Variants in MX1 observed in about 807,000 individuals in gnomAD.
MX1 encodes the protein interferon-induced GTP-binding protein Mx1.
MX1 carries 66 observed loss-of-function variants against 66.4 expected under a neutral mutation model. The observed-to-expected ratio is 0.99, with a 90% CI of 0.82 to 1.22. The LOEUF (loss-of-function observed/expected upper bound fraction) is 1.22, where lower values mean the gene tolerates loss of function less well. Ranked by LOEUF, MX1 falls within the 50% of genes most tolerant of loss-of-function variation. The probability of loss-of-function intolerance (pLI) is 0.00; values close to 1 mark genes in which losing one functional copy is unlikely to be tolerated. For missense variants in MX1, 787 were observed against 834.3 expected, an observed-to-expected ratio of 0.94 and a Z score of 0.70; for synonymous variants, 311 against 318.1, an observed-to-expected ratio of 0.98 and a Z score of 0.24.
chr21:41,447,021 C>T (rs2090681764), intron 13 of MX1, among the ~76,000 whole-genome samples: 2 of 152,122 alleles, frequency 1.3e-5, no homozygotes, highest in Admixed American at 6.5e-5. Context: ...AACCAACTGG[C>T]TTGTGTCTGT....
rs555055463 is a variant in MX1, at chr21:41,440,314, C to T, written c.591+466C>T. ...AAGAGTTTGACAGAAACCTGAGCAA[C>T]ATAGTGAGACCCCCTTCTCTATAAA... On this transcript the variant is annotated intron_variant, in intron 8 of 16. Transcript: ENST00000398598. Among the ~76,000 whole-genome samples the T allele has an allele frequency of 1.8e-4, 27 of 152,194 alleles. 1 individual carries two copies. The South Asian group carries it at 5.2e-3, about 29-fold the overall frequency.
intron 1 of MX1, chr21:41,426,780 T>C (rs1039483654): frequency 2.6e-5 from 4 of 152,276 alleles, no homozygotes; most frequent in African/African-American, 9.7e-5. Context: ...CCGATCCTGC[T>C]GAATAAAGGG....
upstream of MX1, chr21:41,422,779 C>G (rs899758602): frequency 6.6e-6 from 1 of 152,152 alleles, no homozygotes; most frequent in Non-Finnish European, 1.5e-5. Flanking sequence ...TGCTGAAGAG[C>G]GCAGGTTTGG....
intron 11 of MX1, 71 bp from the exon 12 acceptor site, chr21:41,445,377 G>C: frequency 6.4e-7 from 1 of 1,574,496 alleles, no homozygotes; most frequent in South Asian, 1.1e-5. Context: ...TGCAGAGGGA[G>C]GCCCGGGACC....
Position 41,426,283 on chromosome 21 carries a change from G to T in MX1, c.-309+20G>T, listed in dbSNP as rs560540950. ...GGACCGGTGAGTGTCGCTTCTGGGG[G>T]CAGCGCCCAGTAACCGCGCTAGGAG... On this transcript the variant is annotated intron_variant, in intron 1 of 16. Transcript: ENST00000398598. 6.5e-6 allele frequency: 1 copy of T among 152,972 alleles called. No individual in the cohort carries two copies. Among genetic ancestry groups the T allele is most frequent in the East Asian group, 1.9e-4 (1 of 5,228 alleles). The allele number at this position is 152,972 out of a possible 1,614,324, so 9.5% of individuals were successfully genotyped here. A position where few individuals can be genotyped will look rare whatever the true frequency, so the allele number is the denominator to read the frequency against.
chr21:41,451,381 GCTT>G, intron 15 of MX1, 138 bp downstream of exon 15: 1 of 683,202 alleles, frequency 1.5e-6, no homozygotes, highest in South Asian at 1.7e-5. Flanking sequence ...ACTCACTAGT[GCTT>G]CTTCTGATGT....
Position 41,441,811 on chromosome 21 carries a change from A to G in MX1, c.826A>G (p.Met276Val), listed in dbSNP as rs528719662. 1.2e-5 allele frequency: 20 copies of G among 1,614,204 alleles called. No homozygotes were observed. The highest frequency in any genetic ancestry group is 1.1e-4 in the East Asian group (5 of 44,878). ...CGTGTTCCACCTGAAGAAGGGTTAC[A>G]TGATTGTCAAGTGCCGGGGCCAGCA... is the stretch of plus-strand genomic sequence containing the variant. The part of the protein sequence containing the change: ...NLVFHLKKGY[M>V]IVKCRGQQEI... The change falls in exon 10 of 17, where the codon ATG (methionine) becomes GTG (valine). Residue 276 changes from methionine to valine, a missense_variant. Transcript: ENST00000398598. This position sits in a 1 kb window ranked among gnomAD's most constrained non-coding sequence, Gnocchi z 4.0.
At chr21:41,439,576 A>G (rs2090448502) in intron 7 of MX1, 118 bp from the exon 8 acceptor site, 1 of 991,304 alleles carries the variant, frequency 1.0e-6, no homozygotes, top group South Asian at 1.5e-5. Flanking sequence ...AATCTGCTCC[A>G]AATATGCTTT....
rs922135425 is a variant in MX1, at chr21:41,445,541, G to A, written c.1102G>A (p.Glu368Lys). The A allele has an allele frequency of 5.6e-6, 9 of 1,613,990 alleles. No individual in the cohort carries two copies. Among genetic ancestry groups the A allele is most frequent in the East Asian group, 4.5e-5 (2 of 44,900 alleles). ...QKYGVDIPEDENEKMFFLIDK... is the reference protein window; with the variant it reads ...QKYGVDIPEDKNEKMFFLIDK... ...GTATGGTGTCGACATACCGGAAGACGAAAATGAAAAAATGTTCTTCCTGAT... is the reference window on the plus strand; with the variant it reads ...GTATGGTGTCGACATACCGGAAGACAAAAATGAAAAAATGTTCTTCCTGAT... Residue 368 changes from glutamate to lysine, a missense_variant, in exon 12 of 17, where the codon GAA becomes AAA. Physicochemically the swap from Glu to Lys is moderately conservative, Grantham distance 56 (BLOSUM62 1). Transcript: ENST00000398598.
Position 41,440,961 on chromosome 21 carries a change from C to T in MX1, c.666C>T (p.Asp222=). The change falls in exon 9 of 17, where the codon GAC becomes GAT. Residue 222 remains aspartate, a synonymous_variant. Coordinates refer to ENST00000398598, the MANE Select transcript of MX1 (RefSeq NM_002462.5). ...TGGTGGTGGTCCCCAGTAATGTGGA[C>T]ATCGCCACCACAGAGGCTCTCAGCA... ...ISLVVVPSNV[D]IATTEALSMA... The T allele has an allele frequency of 6.2e-7, 1 of 1,614,192 alleles. No homozygotes were observed. The highest frequency in any genetic ancestry group is 2.2e-5 in the East Asian group (1 of 44,870).
At chr21:41,424,843 A>G (rs571599920), upstream of MX1, among the ~76,000 whole-genome samples, 81 of 152,358 alleles carry the variant, frequency 5.3e-4, no homozygotes, top group African/African-American at 1.8e-3. Context: ...CCAACAAAGA[A>G]AGCAGCTAGC....
chr21:41,456,457 T>A (rs1376890714), intron 16 of MX1, among the ~76,000 whole-genome samples: 1 of 152,164 alleles, frequency 6.6e-6, no homozygotes, highest in African/African-American at 2.4e-5. Context: ...AAACCTCATT[T>A]TTCTTCTTAA....
chr21:41,430,304 T>A (rs541151826), intron 3 of MX1, among the ~76,000 whole-genome samples: 10 of 152,176 alleles, frequency 6.6e-5, no homozygotes, highest in Non-Finnish European at 1.2e-4. Flanking sequence ...TTACATATTA[T>A]TGATCCAGGC....
At chr21:41,424,240 TGTG>T (rs1223194701), upstream of MX1, among the ~76,000 whole-genome samples, 1 of 151,752 alleles carries the variant, frequency 6.6e-6, no homozygotes, top group Admixed American at 6.6e-5. Context: ...TGTGTGTGTG[TGTG>T]TGTGTGTGTG....
exon 1 of MX1, chr21:41,420,636 G>C (rs985616946): frequency 1.3e-5 from 2 of 152,382 alleles, no homozygotes; most frequent in African/African-American, 2.4e-5. Context: ...AGTAAGCCCA[G>C]TGCAGGATCC....
chr21:41,459,048 T>C lies in MX1; in HGVS notation c.*290T>C, dbSNP rs548724224. On this transcript the variant is annotated 3_prime_UTR_variant, in exon 17 of 17. Transcript: ENST00000398598. ...ATCGCTCCACCTTGCAGCTCTCCCCTTCTCTGTATTCCTAGAAACTGACAC... is the reference window on the plus strand; with the variant it reads ...ATCGCTCCACCTTGCAGCTCTCCCCCTCTCTGTATTCCTAGAAACTGACAC... 4.8e-5 allele frequency: 25 copies of C among 519,876 alleles called. No individual in the cohort carries two copies. In the South Asian group the frequency reaches 6.8e-4, roughly 14 times the overall value. The allele number at this position is 519,876 out of a possible 1,614,324, so 32.2% of individuals were successfully genotyped here. A position where few individuals can be genotyped will look rare whatever the true frequency, so the allele number is the denominator to read the frequency against.
At chr21:41,423,704 G>T (rs879685911), upstream of MX1, among the ~76,000 whole-genome samples, 8 of 152,096 alleles carry the variant, frequency 5.3e-5, no homozygotes, top group Non-Finnish European at 1.0e-4. Flanking sequence ...AGCTATTATT[G>T]TATGACTGAC....
intron 16 of MX1, among the ~76,000 whole-genome samples, chr21:41,457,778 G>T (rs906408727): frequency 3.3e-5 from 5 of 152,088 alleles, no homozygotes; most frequent in Non-Finnish European, 5.9e-5. Flanking sequence ...TATTGTGCCA[G>T]CATCACCAGC....
Position 41,437,021 on chromosome 21 carries a change from T to C in MX1, c.305T>C (p.Val102Ala). The C allele has an allele frequency of 6.2e-7, 1 of 1,613,884 alleles. No homozygotes were observed. The highest frequency in any genetic ancestry group is 8.5e-7 in the Non-Finnish European group (1 of 1,179,834). The change falls in exon 7 of 17, where the codon GTG (valine) becomes GCG (alanine). Residue 102 changes from valine to alanine, a missense_variant. By Grantham distance (64) the Val-to-Ala change is moderately conservative. Transcript: ENST00000398598. ...TGTGGGCGTGGCCTCCTAGGGATCG[T>C]GACCAGATGCCCGCTGGTGCTGAAA... ...GVALPRGSGI[V>A]TRCPLVLKLK...
Sources: allele counts gnomAD v4.1 joint callset (sites outside exome capture counted in the v4.1 genomes callset), GRCh38; gene constraint gnomAD v4.1.1; non-coding constraint Gnocchi (gnomAD v3.1); transcripts MANE v1.5; gene names NCBI Gene and HGNC (gene_info 2026-07-23, HGNC 2026-07-21).